The following PALD1 variants were observed in gnomAD, a reference collection of about 807,000 sequenced individuals.
PALD1 encodes phosphatase domain containing paladin 1, also known as paladin.
In PALD1, 57 loss-of-function variants were observed where a neutral mutation model predicts 96.0. That is an observed-to-expected ratio of 0.59 (90% CI 0.48 to 0.74). PALD1 has a LOEUF of 0.74. Ranked by LOEUF, PALD1 falls within the 30% of genes least tolerant of loss-of-function variation. The pLI is 0.00. For synonymous variants in PALD1, 464 were observed against 473.6 expected, an observed-to-expected ratio of 0.98 and a Z score of 0.26; for missense variants, 1,063 against 1,143.7, an observed-to-expected ratio of 0.93 and a Z score of 1.02.
chr10:70,534,329 G>A, intron 8 of PALD1, 96 bp from the exon 9 acceptor site: 1 of 850,786 alleles, frequency 1.2e-6, no homozygotes, highest in Non-Finnish European at 1.9e-6. Context: ...CCTGTAGTCT[G>A]GTGTCCCCCA....
intron 1 of PALD1, among the ~76,000 whole-genome samples, chr10:70,482,830 C>T (rs1364259893): frequency 2.0e-5 from 3 of 152,108 alleles, no homozygotes; most frequent in Admixed American, 6.6e-5. Context: ...AGGAGGTAAT[C>T]GCAGAGAGCC....
Position 70,519,561 on chromosome 10 carries a change from A to ATTTC in PALD1, c.-29-6350_-29-6347dup, listed in dbSNP as rs200081936. Among the ~76,000 whole-genome samples the ATTTC allele has an allele frequency of 4.1e-3, 588 of 142,920 alleles. 7 individuals carry two copies. The highest frequency in any genetic ancestry group is 0.013 in the African/African-American group (499 of 37,692). The allele number at this position is 142,920 out of a possible 152,430, so 93.8% of individuals were successfully genotyped here. A position where few individuals can be genotyped will look rare whatever the true frequency, so the allele number is the denominator to read the frequency against. ...TAATACCATGACCTTGGGGATTAGG[A>ATTTC]TTTCTTTCTTTCTTTTTTTTTTTTT... On this transcript the variant is annotated intron_variant, in intron 1 of 19. Transcript: ENST00000263563.
chr10:70,464,680 C>T, the PALD1 span, among the ~76,000 whole-genome samples: 7 of 141,190 alleles, frequency 5.0e-5, no homozygotes, highest in African/African-American at 1.6e-4. Flanking sequence ...GGCTGGAGTG[C>T]AGTGGTGCAG....
At chr10:70,512,023 C>T (rs1305999416) in intron 1 of PALD1, among the ~76,000 whole-genome samples, 1 of 151,968 alleles carries the variant, frequency 6.6e-6, no homozygotes, top group Non-Finnish European at 1.5e-5. Flanking sequence ...GAGACTCCGT[C>T]TCAAAAGAGA....
chr10:70,554,049 C>G (rs1386614446), intron 18 of PALD1, among the ~76,000 whole-genome samples: 2 of 152,252 alleles, frequency 1.3e-5, no homozygotes, highest in Non-Finnish European at 2.9e-5. Flanking sequence ...ACGGCGGTGC[C>G]CCTCTGTTCT....
chr10:70,534,338 C>A, intron 8 of PALD1, 87 bp from the exon 9 acceptor site: 1 of 900,800 alleles, frequency 1.1e-6, no homozygotes, highest in South Asian at 1.5e-5. Context: ...TGGTGTCCCC[C>A]AGCGGCCATA....
chr10:70,554,530 G>C (rs1001060571), intron 18 of PALD1, among the ~76,000 whole-genome samples: 6 of 152,144 alleles, frequency 3.9e-5, no homozygotes, highest in African/African-American at 1.2e-4. Context: ...TTAGAATGCC[G>C]GGCCCTGGCT....
intron 17 of PALD1, among the ~76,000 whole-genome samples, chr10:70,543,503 AG>A (rs1847296733): frequency 6.6e-6 from 1 of 151,968 alleles, no homozygotes. Flanking sequence ...AGACTTTTAT[AG>A]TTTTTAACTC....
intron 1 of PALD1, among the ~76,000 whole-genome samples, chr10:70,491,772 G>A (rs1846102909): frequency 6.6e-6 from 1 of 152,078 alleles, no homozygotes; most frequent in Non-Finnish European, 1.5e-5. Flanking sequence ...CCCCAGCCTT[G>A]GCAACCATGG....
chr10:70,461,027 C>A, the PALD1 span, among the ~76,000 whole-genome samples: 1 of 152,140 alleles, frequency 6.6e-6, no homozygotes, highest in African/African-American at 2.4e-5. Context: ...TGCACTCCAG[C>A]CTGAGCAACA....
intron 1 of PALD1, among the ~76,000 whole-genome samples, chr10:70,505,389 G>GGTTCGAGACTAGCCT (rs1846365874): frequency 6.6e-6 from 1 of 151,802 alleles, no homozygotes; most frequent in African/African-American, 2.4e-5. Context: ...TGAGGTCGGG[G>GGTTCGAGACTAGCCT]GTTCGAGACT....
At chr10:70,474,493 G>A (rs916220622), upstream of PALD1, among the ~76,000 whole-genome samples, 2 of 152,138 alleles carry the variant, frequency 1.3e-5, no homozygotes, top group Admixed American at 1.3e-4. Flanking sequence ...TCCAGGAGGC[G>A]GAGGCAGCAG....
In PALD1 at chr10:70,564,214, A is replaced by G. The variant is rs1166349643; in HGVS notation, c.2263-150A>G. On this transcript the variant is annotated intron_variant, in intron 18 of 19. Transcript: ENST00000263563. ...CTGACCCGCGGCCCTGGCTTGCTCC[A>G]TTGCTTGTCCTGTAACCCAGGTGGA... 11 of 794,034 alleles carry G rather than the reference A, an allele frequency of 1.4e-5. No homozygotes were observed. In the East Asian group the frequency reaches 3.0e-4, roughly 21 times the overall value. The allele number at this position is 794,034 out of a possible 1,614,324, so 49.2% of individuals were successfully genotyped here.
chr10:70,517,217 G>A (rs1046577541), intron 1 of PALD1, among the ~76,000 whole-genome samples: 4 of 152,188 alleles, frequency 2.6e-5, no homozygotes, highest in East Asian at 3.8e-4. Flanking sequence ...GATGAATGAC[G>A]GAGCTCAGTG....
At position 70,532,790 on chromosome 10, in the gene PALD1, G is replaced by A; in HGVS notation, c.794+9G>A. On this transcript the variant is annotated intron_variant, in intron 6 of 19. Transcript: ENST00000263563. The stretch of plus-strand genomic sequence containing the variant: ...CTGCAGCCCACCTACAGGTACCACA[G>A]GGCCACCCCCAGCCCTGGCCATGGG... 3 of 1,613,762 alleles carry A rather than the reference G, an allele frequency of 1.9e-6. No homozygotes were observed. Among genetic ancestry groups the A allele is most frequent in the Non-Finnish European group, 2.5e-6 (3 of 1,179,782 alleles).
chr10:70,508,662 C>G (rs1285051884), intron 1 of PALD1, among the ~76,000 whole-genome samples: 1 of 152,210 alleles, frequency 6.6e-6, no homozygotes, highest in Non-Finnish European at 1.5e-5. Flanking sequence ...TCTCCGGCCA[C>G]CCGTGGACCC....
the PALD1 span, among the ~76,000 whole-genome samples, chr10:70,471,835 C>T: frequency 1.3e-5 from 2 of 152,210 alleles, no homozygotes; most frequent in African/African-American, 4.8e-5. Context: ...CGCTTAGGTT[C>T]TTTGAGGCTC....
rs879240425 is a variant in PALD1 at position 70,568,399 on chromosome 10, T to TTTC, written c.*1668_*1669insCTT. 3 of 1,374 alleles carry TTTC rather than the reference T, an allele frequency of 2.2e-3. No individual in the cohort carries two copies. Among genetic ancestry groups the TTTC allele is most frequent in the African/African-American group, 3.0e-3 (3 of 998 alleles). 0.1% of individuals were successfully genotyped at this position (1,374 alleles called of 1,614,324 possible). A position where few individuals can be genotyped will look rare whatever the true frequency, so the allele number is the denominator to read the frequency against. On this transcript the variant is annotated 3_prime_UTR_variant, in exon 20 of 20. Transcript: ENST00000263563. ...GGGTGTTGTGAGGATTCATTTGTGA[T>TTTC]TTTTTTTTTTTTTGTACAGAGCTTT... is the stretch of plus-strand genomic sequence containing the variant.
chr10:70,554,908 TCCCC>T (rs1847561643), intron 18 of PALD1, among the ~76,000 whole-genome samples: 1 of 47,298 alleles, frequency 2.1e-5, no homozygotes, highest in Non-Finnish European at 4.1e-5. Context: ...GAGCCTCCCC[TCCCC>T]TCTCCTCCCC....
Sources: gnomAD v4.1 joint callset for allele counts (sites outside exome capture counted in the v4.1 genomes callset) on GRCh38, gnomAD v4.1.1 for gene constraint, MANE v1.5 for transcripts, NCBI Gene and HGNC (gene_info 2026-07-23, HGNC 2026-07-21) for gene names.